DPP10: variants seen among roughly 807,000 people sequenced by gnomAD.
The protein encoded by DPP10 is inactive dipeptidyl peptidase 10.
In DPP10, 33 loss-of-function variants were observed where a neutral mutation model predicts 120.9. That is an observed-to-expected ratio of 0.27 (90% CI 0.21 to 0.37). The LOEUF is 0.37. DPP10 is among the 10% of genes least tolerant of loss of function. The pLI, the probability that DPP10 is intolerant of heterozygous loss-of-function variation, is 1.00. For missense variants in DPP10, 816 were observed against 942.8 expected, an observed-to-expected ratio of 0.87 and a Z score of 1.76; for synonymous variants, 337 against 326.1, an observed-to-expected ratio of 1.03 and a Z score of -0.36.
intron 1 of DPP10, among the ~76,000 whole-genome samples, chr2:114,467,901 C>T (rs1345090497): frequency 6.6e-6 from 1 of 152,022 alleles, no homozygotes; most frequent in East Asian, 1.9e-4. Flanking sequence ...GTGCTGTAGT[C>T]CCAGCTACTT....
At position 115,715,948 on chromosome 2, in the gene DPP10, A is replaced by C. The variant is rs529732967; in HGVS notation, c.577-11868A>C. 3.3e-5 allele frequency among the ~76,000 whole-genome samples: 5 copies of C among 152,350 alleles called. No individual in the cohort carries two copies. The East Asian group carries it at 9.6e-4, about 29-fold the overall frequency. ...TGTTTTGTGTATCAATGTCTTCTCC[A>C]ATGAACAAGCAAATAATACAAATAC... On this transcript the variant is annotated intron_variant, in intron 7 of 25. Transcript: ENST00000410059.
chr2:115,046,890 T>C (rs1705111134), intron 1 of DPP10, among the ~76,000 whole-genome samples: 1 of 152,094 alleles, frequency 6.6e-6, no homozygotes, highest in South Asian at 2.1e-4. Context: ...TAAATCAGAA[T>C]TACCATTTCC....
Position 114,999,384 on chromosome 2 carries a change from C to T in DPP10, c.61-309855C>T, listed in dbSNP as rs111634431. ...AATTGCATTAATCTCAAATCCATTCCTCATTTTAAGACTAAAATGGGATTT... is the reference window on the plus strand; with the variant it reads ...AATTGCATTAATCTCAAATCCATTCTTCATTTTAAGACTAAAATGGGATTT... On this transcript the variant is annotated intron_variant, in intron 1 of 25. Transcript: ENST00000410059. Among the ~76,000 whole-genome samples, 143 of 152,264 alleles carry T rather than the reference C, an allele frequency of 9.4e-4. 2 individuals carry two copies. The highest frequency in any genetic ancestry group is 3.3e-3 in the African/African-American group (138 of 41,552).
intron 1 of DPP10, among the ~76,000 whole-genome samples, chr2:115,005,147 A>C (rs1701726544): frequency 6.6e-6 from 1 of 152,058 alleles, no homozygotes; most frequent in South Asian, 2.1e-4. Flanking sequence ...ACAGACCTGC[A>C]TCTGAGGGTC....
At chr2:115,596,302 T>C (rs943338790) in intron 5 of DPP10, among the ~76,000 whole-genome samples, 2 of 152,212 alleles carry the variant, frequency 1.3e-5, no homozygotes, top group African/African-American at 4.8e-5. Flanking sequence ...CCAGTAACTT[T>C]CAAAAACTCT....
At chr2:114,511,729 T>G (rs1573531471) in intron 1 of DPP10, among the ~76,000 whole-genome samples, 1 of 152,318 alleles carries the variant, frequency 6.6e-6, no homozygotes, top group Non-Finnish European at 1.5e-5. Flanking sequence ...CATCAGCTCT[T>G]AACACACGTT....
At chr2:115,144,497 A>AAG (rs2051111254) in intron 1 of DPP10, 1 of 151,778 alleles carries the variant, frequency 6.6e-6, no homozygotes, top group African/African-American at 2.4e-5. Context: ...AATCTGACCC[A>AAG]CGTTTGTAGT....
At chr2:114,520,522 G>A (rs183968774) in intron 1 of DPP10, among the ~76,000 whole-genome samples, 1 of 152,120 alleles carries the variant, frequency 6.6e-6, no homozygotes, top group Non-Finnish European at 1.5e-5. Context: ...GCAAATAAAT[G>A]GAAAGGCAAA....
chr2:115,832,034 G>A (rs913967892), intron 21 of DPP10, among the ~76,000 whole-genome samples: 3 of 152,158 alleles, frequency 2.0e-5, no homozygotes, highest in Admixed American at 1.3e-4. Flanking sequence ...CTGATGATAT[G>A]CATTGTTTTG....
rs548038229 is a variant in DPP10, at chr2:115,236,939, G to T, written c.61-72300G>T. On this transcript the variant is annotated intron_variant, in intron 1 of 25. Coordinates refer to ENST00000410059, the MANE Select transcript of DPP10 (RefSeq NM_020868.6). ...CATTTACGGCCTAGGTTCTGAAATT[G>T]TACATGAACAATTTGAGCTCAAAGA... is the stretch of plus-strand genomic sequence containing the variant. Among the ~76,000 whole-genome samples, 9 of 152,272 alleles carry T rather than the reference G, an allele frequency of 5.9e-5. No homozygotes were observed. The East Asian group carries it at 1.5e-3, about 26-fold the overall frequency.
chr2:115,707,489 C>T (rs6744360), intron 7 of DPP10, among the ~76,000 whole-genome samples: 1 of 150,892 alleles, frequency 6.6e-6, no homozygotes, highest in African/African-American at 2.4e-5. Flanking sequence ...TATTGGAATA[C>T]GAATATATCT....
chr2:114,873,326 G>T (rs1019693687), intron 1 of DPP10, among the ~76,000 whole-genome samples: 2 of 152,150 alleles, frequency 1.3e-5, no homozygotes, highest in Non-Finnish European at 2.9e-5. Flanking sequence ...AATTGCTAAA[G>T]AGGATGAATG....
rs186654533 is a variant in DPP10, at chr2:115,379,841, G to A, written c.271+35929G>A. 1.6e-4 allele frequency among the ~76,000 whole-genome samples: 25 copies of A among 152,244 alleles called. No homozygotes were observed. The East Asian group carries it at 4.1e-3, about 25-fold the overall frequency. ...TAGTCATTCAGGAGCAGGTTCTTCA[G>A]TTTCCATGGAGTTGAGCGGTTTTGA... On this transcript the variant is annotated intron_variant, in intron 3 of 25. Transcript: ENST00000410059.
chr2:114,626,039 G>A (rs1241557033), intron 1 of DPP10, among the ~76,000 whole-genome samples: 2 of 150,606 alleles, frequency 1.3e-5, no homozygotes, highest in Non-Finnish European at 3.0e-5. Context: ...TTATACTGAT[G>A]ACTACAATTC....
At chr2:115,329,990 C>G (rs1331959691) in intron 2 of DPP10, among the ~76,000 whole-genome samples, 2 of 152,082 alleles carry the variant, frequency 1.3e-5, no homozygotes, top group Non-Finnish European at 2.9e-5. Context: ...ATTTCTAGTT[C>G]TAGATCCTTG....
At chr2:115,199,014 A>G (rs868247902) in intron 1 of DPP10, among the ~76,000 whole-genome samples, 95 of 152,318 alleles carry the variant, frequency 6.2e-4, no homozygotes, top group Middle Eastern at 3.4e-3. Flanking sequence ...AATCCTTATA[A>G]AAAACATGGT....
chr2:115,017,967 C>T (rs577332763), intron 1 of DPP10, among the ~76,000 whole-genome samples: 8 of 151,106 alleles, frequency 5.3e-5, no homozygotes, highest in Non-Finnish European at 1.0e-4. Context: ...CAAACCTGCA[C>T]GTTGCGCACA....
At chr2:114,504,265 T>C (rs1361059013) in intron 1 of DPP10, among the ~76,000 whole-genome samples, 1 of 152,238 alleles carries the variant, frequency 6.6e-6, no homozygotes, top group Non-Finnish European at 1.5e-5. Context: ...TATATGTTAC[T>C]ATGAGACAAA....
intron 5 of DPP10, among the ~76,000 whole-genome samples, chr2:115,657,496 A>C (rs993404613): frequency 6.6e-6 from 1 of 151,582 alleles, no homozygotes; most frequent in East Asian, 1.9e-4. Context: ...TCTTTTATTG[A>C]TCTCTTCCTT....
Sources: allele counts gnomAD v4.1 joint callset (sites outside exome capture counted in the v4.1 genomes callset), GRCh38; gene constraint gnomAD v4.1.1; transcripts MANE v1.5; gene names NCBI Gene and HGNC (gene_info 2026-07-23, HGNC 2026-07-21).